The following CHGA variants were observed in gnomAD, a reference collection of about 807,000 sequenced individuals.
CHGA encodes chromogranin A.
In CHGA, 41 loss-of-function variants were observed where a neutral mutation model predicts 54.4. The observed-to-expected ratio is 0.75, with a 90% CI of 0.59 to 0.98. The LOEUF is 0.98. Among genes scored for constraint, CHGA ranks in the 50% least tolerant of loss-of-function variants. The probability of loss-of-function intolerance (pLI) is 0.00; values close to 1 mark genes in which losing one functional copy is unlikely to be tolerated. For missense variants in CHGA, 576 were observed against 582.3 expected (o/e 0.99, Z 0.11); for synonymous variants, 249 against 232.8 (o/e 1.07, Z -0.63).
chr14:92,928,632 T>C (rs1481990503), intron 4 of CHGA, among the ~76,000 whole-genome samples: 1 of 152,008 alleles, frequency 6.6e-6, no homozygotes, highest in Non-Finnish European at 1.5e-5. Flanking sequence ...AATTAAATAT[T>C]GAATGACTAA....
chr14:92,926,604 G>C lies in CHGA; in HGVS notation c.94-1G>C. On this transcript the variant is annotated splice_acceptor_variant, in intron 2 of 7. Transcript: ENST00000216492. LOFTEE classifies it high-confidence loss of function. ...AACCTGCCCCTGCACTGTGTTCCCA[G>C]GTGATGAAATGCATCGTTGAGGTCA... The C allele has an allele frequency of 6.2e-7, 1 of 1,613,860 alleles. No homozygotes were observed. The highest frequency in any genetic ancestry group is 8.5e-7 in the Non-Finnish European group (1 of 1,179,968).
At chr14:92,925,294 C>A (rs1004501680) in intron 2 of CHGA, among the ~76,000 whole-genome samples, 4 of 152,152 alleles carry the variant, frequency 2.6e-5, no homozygotes, top group African/African-American at 9.7e-5. Flanking sequence ...GACCCTCTAC[C>A]CAATTCCTGC....
At chr14:92,923,771 T>TC in intron 1 of CHGA, among the ~76,000 whole-genome samples, 1 of 152,228 alleles carries the variant, frequency 6.6e-6, no homozygotes, top group East Asian at 1.9e-4. Flanking sequence ...TCCCCTTTCA[T>TC]CTCACGCTCC....
rs768165753 is a variant in CHGA at position 92,932,890 on chromosome 14, G to A, written c.1290+39G>A. The A allele has an allele frequency of 2.6e-5, 38 of 1,449,340 alleles. No individual in the cohort carries two copies. Among genetic ancestry groups the A allele is most frequent in the African/African-American group, 1.1e-4 (7 of 66,222 alleles). The allele number at this position is 1,449,340 out of a possible 1,614,324, so 89.8% of individuals were successfully genotyped here. A position where few individuals can be genotyped will look rare whatever the true frequency, so the allele number is the denominator to read the frequency against. ...GGGAGCCAGCTCTGTGCCAGGCCAC[G>A]GAGCAGCAGGGGGCAGCCGCACCCA... On this transcript the variant is annotated intron_variant, in intron 7 of 7. Coordinates refer to ENST00000216492, the MANE Select transcript of CHGA (RefSeq NM_001275.4). The surrounding 1 kb of genome is among the most constrained non-coding windows in gnomAD (Gnocchi z 5.3).
upstream of CHGA, chr14:92,923,009 A>C: frequency 5.0e-6 from 1 of 200,560 alleles, no homozygotes. Context: ...GGCGGAGGCC[A>C]GAGGTAGCGA....
chr14:92,928,383 C>T (rs989888632), intron 4 of CHGA, among the ~76,000 whole-genome samples: 3 of 152,152 alleles, frequency 2.0e-5, no homozygotes, highest in African/African-American at 4.8e-5. Context: ...TAAACACAGC[C>T]ACGTCAGTAG....
chr14:92,933,873 G>A (rs191931615), intron 7 of CHGA, among the ~76,000 whole-genome samples: 19 of 152,292 alleles, frequency 1.2e-4, no homozygotes, highest in South Asian at 6.2e-4. Context: ...GCTCTGGACC[G>A]CAGGGCAGAG....
intron 4 of CHGA, among the ~76,000 whole-genome samples, chr14:92,929,275 C>T (rs1886947246): frequency 6.6e-6 from 1 of 152,188 alleles, no homozygotes; most frequent in Non-Finnish European, 1.5e-5. Flanking sequence ...TTACTGCCTG[C>T]TGCAGGGTTC....
chr14:92,932,450 C>G lies in CHGA; in HGVS notation c.889C>G (p.Gln297Glu). 1 of 1,561,520 alleles carries G rather than the reference C, an allele frequency of 6.4e-7. No individual in the cohort carries two copies. Among genetic ancestry groups the G allele is most frequent in the African/African-American group, 1.4e-5 (1 of 73,998 alleles). ...EAQDPEGKGE[Q>E]EHSQQKEEEE... Reference sequence around the variant, plus strand: ...TCAGGACCCCGAAGGGAAGGGAGAACAGGAGCACTCCCAGCAGAAAGAGGA... The same window carrying G: ...TCAGGACCCCGAAGGGAAGGGAGAAGAGGAGCACTCCCAGCAGAAAGAGGA... The change falls in exon 7 of 8, where the codon CAG (glutamine) becomes GAG (glutamate). Residue 297 changes from glutamine to glutamate, a missense_variant. Gln to Glu is a conservative substitution (Grantham distance 29). Transcript: ENST00000216492. The surrounding 1 kb of genome is among the most constrained non-coding windows in gnomAD (Gnocchi z 5.3).
At chr14:92,929,622 C>T in intron 4 of CHGA, 95 bp from the exon 5 acceptor site, 1 of 1,099,032 alleles carries the variant, frequency 9.1e-7, no homozygotes, top group Non-Finnish European at 1.4e-6. Context: ...ATGATGTGCC[C>T]AGCTTACAGA....
At position 92,932,500 on chromosome 14, in the gene CHGA, G is replaced by A. The variant is rs748718190; in HGVS notation, c.939G>A (p.Pro313=). 10 of 1,554,234 alleles carry A rather than the reference G, an allele frequency of 6.4e-6. No homozygotes were observed. Among genetic ancestry groups the A allele is most frequent in the South Asian group, 3.6e-5 (3 of 84,226 alleles). Residue 313 remains proline (P), a synonymous_variant, in exon 7 of 8, where the codon CCG becomes CCA. Coordinates refer to ENST00000216492, the MANE Select transcript of CHGA (RefSeq NM_001275.4). The surrounding 1 kb of genome is among the most constrained non-coding windows in gnomAD (Gnocchi z 5.3). ...KEEEEEMAVV[P]QGLFRGGKSG... is the part of the protein sequence containing the mutation. ...AGGAGGAGGAGATGGCAGTGGTCCC[G>A]CAAGGCCTCTTCCGGGGTGGGAAGA... is the stretch of plus-strand genomic sequence containing the variant.
intron 1 of CHGA, 98 bp downstream of exon 1, chr14:92,923,503 C>T (rs372222382): frequency 9.2e-7 from 1 of 1,091,344 alleles, no homozygotes; most frequent in African/African-American, 1.6e-5. Context: ...CTCCACACTT[C>T]CCTTCGGGCG....
In CHGA at chr14:92,932,781, T is replaced by C; in HGVS notation, c.1220T>C (p.Leu407Pro). 6.3e-7 allele frequency: 1 copy of C among 1,586,804 alleles called. No homozygotes were observed. Among genetic ancestry groups the C allele is most frequent in the Non-Finnish European group, 8.6e-7 (1 of 1,165,880 alleles). Reference protein sequence around the residue: ...SSREDSLEAGLPLQVRGYPEE... With the variant: ...SSREDSLEAGPPLQVRGYPEE... Reference sequence around the variant, plus strand: ...CGGGAGGACAGCCTTGAGGCGGGCCTGCCCCTCCAGGTCCGAGGCTACCCC... The same window carrying C: ...CGGGAGGACAGCCTTGAGGCGGGCCCGCCCCTCCAGGTCCGAGGCTACCCC... Residue 407 changes from leucine to proline, a missense_variant, in exon 7 of 8, where the codon CTG becomes CCG. Transcript: ENST00000216492. The surrounding 1 kb of genome is among the most constrained non-coding windows in gnomAD (Gnocchi z 5.3).
chr14:92,933,176 C>A (rs1041450681), intron 7 of CHGA: 3 of 225,996 alleles, frequency 1.3e-5, no homozygotes, highest in Non-Finnish European at 2.6e-5. Context: ...CCTCCTGGCC[C>A]CCAGGCAGCC....
intron 6 of CHGA, among the ~76,000 whole-genome samples, chr14:92,931,969 C>G (rs1887008737): frequency 6.6e-6 from 1 of 152,302 alleles, no homozygotes; most frequent in East Asian, 1.9e-4. Flanking sequence ...ATAGCCTCCC[C>G]CCACCAACCC....
At position 92,926,624 on chromosome 14, in the gene CHGA, A is replaced by G; in HGVS notation, c.113A>G (p.Glu38Gly). Residue 38 changes from glutamate (E) to glycine (G), a missense_variant, in exon 3 of 8, where the codon GAG becomes GGG. Glu to Gly is a moderately conservative substitution (Grantham distance 98, BLOSUM62 -2). Coordinates refer to ENST00000216492, the MANE Select transcript of CHGA (RefSeq NM_001275.4). ...TCCCAGGTGATGAAATGCATCGTTGAGGTCATCTCCGACACACTTTCCAAG... is the reference window on the plus strand; with the variant it reads ...TCCCAGGTGATGAAATGCATCGTTGGGGTCATCTCCGACACACTTTCCAAG... Reference protein sequence around the residue: ...GDTEVMKCIVEVISDTLSKPS... With the variant: ...GDTEVMKCIVGVISDTLSKPS... The G allele has an allele frequency of 6.2e-7, 1 of 1,613,946 alleles. No individual in the cohort carries two copies.
intron 3 of CHGA, among the ~76,000 whole-genome samples, chr14:92,927,165 T>C (rs1595060448): frequency 6.6e-6 from 1 of 152,190 alleles, no homozygotes; most frequent in South Asian, 2.1e-4. Context: ...AGCATTTCGG[T>C]TGGGCTTTAA....
chr14:92,926,287 A>G (rs529888349), intron 2 of CHGA: 1 of 343,792 alleles, frequency 2.9e-6, no homozygotes, highest in Non-Finnish European at 5.4e-6. Flanking sequence ...GTTTAGAGAA[A>G]TAGCACTTGG....
In CHGA at chr14:92,931,413, A is replaced by AGAGGAGGAG. The variant is rs145227561; in HGVS notation, c.530_538dup (p.Glu177_Glu179dup). Reference sequence around the variant, plus strand: ...GGAACAATCAGGCCCCTGGGGAGGAAGAGGAGGAGGAGGAGGAGGCCACCA... The same window carrying AGAGGAGGAG: ...GGAACAATCAGGCCCCTGGGGAGGAAGAGGAGGAGGAGGAGGAGGAGGAGGAGGCCACCA... On this transcript the variant is annotated inframe_insertion, in exon 6 of 8. Coordinates refer to ENST00000216492, the MANE Select transcript of CHGA (RefSeq NM_001275.4). The AGAGGAGGAG allele has an allele frequency of 3.1e-6, 5 of 1,609,550 alleles. No individual in the cohort carries two copies. In the Admixed American group the frequency reaches 6.8e-5, roughly 22 times the overall value.
Sources: allele counts gnomAD v4.1 joint callset (sites outside exome capture counted in the v4.1 genomes callset), GRCh38; gene constraint gnomAD v4.1.1; non-coding constraint Gnocchi (gnomAD v3.1); transcripts MANE v1.5; gene names NCBI Gene and HGNC (gene_info 2026-07-23, HGNC 2026-07-21).